The following ASB10 variants were observed in gnomAD, a reference collection of about 807,000 sequenced individuals.
The protein encoded by ASB10 is ankyrin repeat and SOCS box containing 10.
A neutral mutation model predicts 35.4 loss-of-function variants in ASB10; 44 were observed. The observed-to-expected ratio is 1.24, with a 90% CI of 0.98 to 1.60. The LOEUF is 1.60. Among genes scored for constraint, ASB10 ranks in the 40% most tolerant of loss-of-function variants. The pLI is 0.00. For synonymous variants in ASB10, 294 were observed against 280.4 expected (o/e 1.05, Z -0.49); for missense variants, 647 against 634.3 (o/e 1.02, Z -0.22).
chr7:151,185,956 C>T (rs557123227), intron 2 of ASB10, among the ~76,000 whole-genome samples: 3 of 152,260 alleles, frequency 2.0e-5, no homozygotes, highest in Admixed American at 1.3e-4. Flanking sequence ...CTCACTGGGG[C>T]CACCATCCTC....
intron 3 of ASB10, among the ~76,000 whole-genome samples, chr7:151,177,448 C>T (rs923815375): frequency 1.3e-5 from 2 of 152,274 alleles, no homozygotes; most frequent in African/African-American, 2.4e-5. Context: ...CACCATCCTG[C>T]TCTCCTCTCT....
At chr7:151,185,207 C>G (rs1801567346) in intron 2 of ASB10, among the ~76,000 whole-genome samples, 1 of 150,394 alleles carries the variant, frequency 6.6e-6, no homozygotes, top group Non-Finnish European at 1.5e-5. Flanking sequence ...CAACCTCCAC[C>G]TCCCAGGTTT....
rs1402470622 is a variant in ASB10, at chr7:151,176,148, G to A, written c.1368C>T (p.Arg456=). The part of the protein sequence containing the change: ...PRLPLPPRLL[R]YLQLDFEGVL... ...CGCCCTCAAAATCCAGCTGCAGGTA[G>A]CGGAGCAGGCGCGGTGGCAGGGGGA... The change falls in exon 5 of 6, where the codon CGC becomes CGT. Residue 456 remains arginine (R), a synonymous_variant. Transcript: ENST00000420175. The A allele has an allele frequency of 1.9e-6, 3 of 1,611,764 alleles. No homozygotes were observed. In the African/African-American group the frequency reaches 4.0e-5, roughly 22 times the overall value.
intron 2 of ASB10, among the ~76,000 whole-genome samples, chr7:151,185,734 C>A (rs141574214): frequency 7.2e-5 from 11 of 152,316 alleles, no homozygotes; most frequent in Non-Finnish European, 1.2e-4. Flanking sequence ...TACAACGTTC[C>A]TTACACTTGG....
At chr7:151,180,251 C>T (rs997145711) in intron 3 of ASB10, among the ~76,000 whole-genome samples, 1 of 152,238 alleles carries the variant, frequency 6.6e-6, no homozygotes, top group Admixed American at 6.5e-5. Flanking sequence ...ATCAGTAGCA[C>T]AGGTCTTCAA....
chr7:151,182,251 G>C (rs1801509516), intron 2 of ASB10, among the ~76,000 whole-genome samples: 1 of 152,110 alleles, frequency 6.6e-6, no homozygotes, highest in African/African-American at 2.4e-5. Context: ...CCTGACAGTG[G>C]GCACACATGG....
chr7:151,184,132 G>A (rs1445116720), intron 2 of ASB10, among the ~76,000 whole-genome samples: 1 of 151,804 alleles, frequency 6.6e-6, no homozygotes, highest in Non-Finnish European at 1.5e-5. Flanking sequence ...AAGGAAATTC[G>A]GCCGGGCGTG....
At chr7:151,186,741 G>A in intron 1 of ASB10, 74 bp downstream of exon 1, 2 of 1,537,446 alleles carry the variant, frequency 1.3e-6, no homozygotes, top group Non-Finnish European at 1.8e-6. Context: ...GCAGAGGCAG[G>A]AAGAGGGAGC....
At chr7:151,182,634 A>G (rs377215036) in intron 2 of ASB10, among the ~76,000 whole-genome samples, 10 of 152,374 alleles carry the variant, frequency 6.6e-5, no homozygotes, top group African/African-American at 2.4e-4. Flanking sequence ...ATTTACTCCA[A>G]GATGGCAAGA....
At chr7:151,179,268 G>A (rs192040418) in intron 3 of ASB10, among the ~76,000 whole-genome samples, 2 of 152,328 alleles carry the variant, frequency 1.3e-5, no homozygotes, top group East Asian at 1.9e-4. Context: ...GAGATTCAGC[G>A]ACTTGCCGAA....
At chr7:151,176,355 C>G in intron 4 of ASB10, 58 bp from the exon 5 acceptor site, 2 of 1,508,414 alleles carry the variant, frequency 1.3e-6, no homozygotes, top group Non-Finnish European at 1.8e-6. Flanking sequence ...GCACCGGCTC[C>G]TCCTCACAGG....
At chr7:151,179,884 G>A (rs1161839540) in intron 3 of ASB10, among the ~76,000 whole-genome samples, 2 of 152,350 alleles carry the variant, frequency 1.3e-5, no homozygotes, top group East Asian at 1.9e-4. Flanking sequence ...GTGTTAATAG[G>A]AGATTAATTA....
intron 3 of ASB10, among the ~76,000 whole-genome samples, chr7:151,177,038 C>T (rs1364826141): frequency 6.6e-6 from 1 of 152,214 alleles, no homozygotes; most frequent in East Asian, 1.9e-4. Context: ...CTGGAAGCTA[C>T]AAGAGCACCA....
intron 2 of ASB10, among the ~76,000 whole-genome samples, chr7:151,186,107 C>T (rs531015922): frequency 6.6e-6 from 1 of 152,276 alleles, no homozygotes; most frequent in South Asian, 2.1e-4. Context: ...AACACCACCT[C>T]CCCATAATGG....
At chr7:151,178,937 G>A (rs780258309) in intron 3 of ASB10, among the ~76,000 whole-genome samples, 5 of 152,110 alleles carry the variant, frequency 3.3e-5, no homozygotes, top group Non-Finnish European at 5.9e-5. Context: ...CCTCTGCACT[G>A]GGCTCAAGTA....
In ASB10 at chr7:151,176,223, A is replaced by C; in HGVS notation, c.1293T>G (p.Cys431Trp). The change falls in exon 5 of 6, where the codon TGT becomes TGG. Residue 431 changes from cysteine to tryptophan, a missense_variant. Cys to Trp is a radical substitution (Grantham distance 215). Coordinates refer to ENST00000420175, the MANE Select transcript of ASB10 (RefSeq NM_001142459.2). ...QPRSLQHLSRCALRSHLEGSL... is the reference protein window; with the variant it reads ...QPRSLQHLSRWALRSHLEGSL... ...TGCCCTCCAGGTGGGAGCGGAGCGC[A>C]CAGCGGCTCAAATGCTGCAGCGACC... 1 of 1,604,774 alleles carries C rather than the reference A, an allele frequency of 6.2e-7. No individual in the cohort carries two copies. The highest frequency in any genetic ancestry group is 2.2e-5 in the East Asian group (1 of 44,776).
upstream of ASB10, chr7:151,187,609 A>T (rs1409245017): frequency 3.2e-6 from 5 of 1,543,156 alleles, no homozygotes; most frequent in Non-Finnish European, 4.4e-6. The surrounding 1 kb of genome is among the most constrained non-coding windows in gnomAD (Gnocchi z 5.3). Flanking sequence ...GTGATGGCCG[A>T]GGGGGCTCCC....
In ASB10 at chr7:151,175,751, G is replaced by T. The variant is rs1801373405; in HGVS notation, c.*216C>A. ...ACAGGGTTTGCACAGGCTAGAAGGG[G>T]GCCTCAGGAGAGCCCCAGTAGGAGT... On this transcript the variant is annotated 3_prime_UTR_variant, in exon 6 of 6. Transcript: ENST00000420175. The T allele has an allele frequency of 3.8e-6, 1 of 264,710 alleles. No individual in the cohort carries two copies. The highest frequency in any genetic ancestry group is 7.2e-6 in the Non-Finnish European group (1 of 138,164). 16.4% of individuals were successfully genotyped at this position (264,710 alleles called of 1,614,324 possible). A position where few individuals can be genotyped will look rare whatever the true frequency, so the allele number is the denominator to read the frequency against.
At chr7:151,186,759 T>G (rs1228589575) in intron 1 of ASB10, 56 bp downstream of exon 1, 2 of 1,533,454 alleles carry the variant, frequency 1.3e-6, no homozygotes, top group East Asian at 4.6e-5. Flanking sequence ...AGCCCAGAGC[T>G]CCATCTGCAG....
Sources: gnomAD v4.1 joint callset for allele counts (sites outside exome capture counted in the v4.1 genomes callset) on GRCh38, gnomAD v4.1.1 for gene constraint, Gnocchi (gnomAD v3.1) non-coding constraint, MANE v1.5 for transcripts, NCBI Gene and HGNC (gene_info 2026-07-23, HGNC 2026-07-21) for gene names.